RERE: variants seen among roughly 807,000 people sequenced by gnomAD.
RERE encodes arginine-glutamic acid dipeptide repeats protein.
In RERE, 40 loss-of-function variants were observed where a neutral mutation model predicts 146.1. The observed-to-expected ratio is 0.27, with a 90% CI of 0.21 to 0.36. The LOEUF (loss-of-function observed/expected upper bound fraction) is 0.36, where lower values mean the gene tolerates loss of function less well. Ranked by LOEUF, RERE falls within the 10% of genes least tolerant of loss-of-function variation. The pLI is 1.00. For synonymous variants in RERE, 1,003 were observed against 866.0 expected, an observed-to-expected ratio of 1.16 and a Z score of -2.78; for missense variants, 1,933 against 2,138.7, an observed-to-expected ratio of 0.90 and a Z score of 1.90.
At chr1:8,495,547 G>A (rs940822419) in intron 9 of RERE, among the ~76,000 whole-genome samples, 1 of 152,160 alleles carries the variant, frequency 6.6e-6, no homozygotes, top group African/African-American at 2.4e-5. Context: ...CCTGACCTCA[G>A]GTGATCTGCT....
intron 8 of RERE, among the ~76,000 whole-genome samples, chr1:8,508,376 A>G (rs569513120): frequency 1.3e-5 from 2 of 152,312 alleles, no homozygotes; most frequent in African/African-American, 2.4e-5. Flanking sequence ...AGATAGAAAG[A>G]GTTCTGGAGA....
At chr1:8,449,523 G>T (rs1364470630) in intron 11 of RERE, among the ~76,000 whole-genome samples, 4 of 152,136 alleles carry the variant, frequency 2.6e-5, no homozygotes, top group African/African-American at 9.7e-5. Context: ...AAACTTCAAA[G>T]AATCTTGTTA....
At chr1:8,724,538 C>T (rs1345904924) in intron 1 of RERE, among the ~76,000 whole-genome samples, 2 of 152,158 alleles carry the variant, frequency 1.3e-5, no homozygotes, top group Admixed American at 6.5e-5. Context: ...CTACATATTA[C>T]ACAGCTGCTT....
chr1:8,419,094 T>G (rs1278919266), intron 12 of RERE, among the ~76,000 whole-genome samples: 3 of 152,156 alleles, frequency 2.0e-5, no homozygotes, highest in Non-Finnish European at 2.9e-5. Flanking sequence ...AATTATATAC[T>G]TTATAAGCAT....
At chr1:8,601,122 C>T (rs1019814601) in intron 4 of RERE, among the ~76,000 whole-genome samples, 1 of 148,776 alleles carries the variant, frequency 6.7e-6, no homozygotes, top group African/African-American at 2.5e-5. Flanking sequence ...TGGGTTCAAG[C>T]AGTTCTCCTG....
intron 1 of RERE, among the ~76,000 whole-genome samples, chr1:8,701,291 C>T (rs1021097869): frequency 5.8e-5 from 4 of 69,030 alleles, no homozygotes; most frequent in African/African-American, 1.8e-4. Flanking sequence ...GGGGAATACA[C>T]ACACACACAC....
At chr1:8,407,596 T>C (rs1643485497) in intron 12 of RERE, among the ~76,000 whole-genome samples, 1 of 152,076 alleles carries the variant, frequency 6.6e-6, no homozygotes, top group Non-Finnish European at 1.5e-5. Context: ...CCCCATGACC[T>C]GGACAAGACC....
At chr1:8,607,882 C>T (rs1432255174) in intron 4 of RERE, among the ~76,000 whole-genome samples, 1 of 151,902 alleles carries the variant, frequency 6.6e-6, no homozygotes, top group African/African-American at 2.4e-5. Flanking sequence ...CCCGCCACCA[C>T]GCCTGGCTAA....
At chr1:8,789,301 A>AAAAAAAT in intron 1 of RERE, among the ~76,000 whole-genome samples, 9 of 24,814 alleles carry the variant, frequency 3.6e-4, no homozygotes, top group African/African-American at 2.1e-3. Context: ...AAAAAAAAAA[A>AAAAAAAT]ATATATATAT....
chr1:8,509,423 TC>T (rs1645301167), intron 7 of RERE, among the ~76,000 whole-genome samples: 1 of 83,402 alleles, frequency 1.2e-5, no homozygotes, highest in African/African-American at 3.1e-5. Context: ...CATCCATCCA[TC>T]CATCCATCCA....
chr1:8,647,005 C>T (rs1325927040), intron 2 of RERE, among the ~76,000 whole-genome samples: 5 of 152,162 alleles, frequency 3.3e-5, no homozygotes, highest in Admixed American at 3.3e-4. Flanking sequence ...ATAGTCCCTG[C>T]TACTCAGGAG....
chr1:8,422,921 G>T, intron 11 of RERE, 114 bp from the exon 12 acceptor site: 1 of 771,146 alleles, frequency 1.3e-6, no homozygotes, highest in Non-Finnish European at 2.2e-6. Context: ...TCTCGGCTAG[G>T]GAATACTGCC....
At position 8,806,597 on chromosome 1, in the gene RERE, C is replaced by T. The variant is rs761210000; in HGVS notation, c.-145+10563G>A. On this transcript the variant is annotated intron_variant, in intron 1 of 22. Transcript: ENST00000400908. Reference sequence around the variant, plus strand: ...TTAAGCCAAATCTCCCTTATCTCTACCTCAATAATACCATACGTTAATATT... The same window carrying T: ...TTAAGCCAAATCTCCCTTATCTCTATCTCAATAATACCATACGTTAATATT... Among the ~76,000 whole-genome samples the T allele has an allele frequency of 3.3e-5, 5 of 152,110 alleles. 1 individual carries two copies. Among genetic ancestry groups the T allele is most frequent in the African/African-American group, 7.2e-5 (3 of 41,416 alleles).
At chr1:8,678,522 C>T (rs912824631) in intron 1 of RERE, among the ~76,000 whole-genome samples, 1 of 150,750 alleles carries the variant, frequency 6.6e-6, no homozygotes, top group Non-Finnish European at 1.5e-5. Flanking sequence ...CATGGTGGCA[C>T]GCGCCTGTAG....
chr1:8,552,392 G>C (rs1268988943), intron 6 of RERE, among the ~76,000 whole-genome samples: 1 of 152,186 alleles, frequency 6.6e-6, no homozygotes, highest in African/African-American at 2.4e-5. Context: ...ATGGTGCTAA[G>C]CACTAACATG....
intron 1 of RERE, among the ~76,000 whole-genome samples, chr1:8,698,568 C>A (rs1639382667): frequency 6.6e-6 from 1 of 152,204 alleles, no homozygotes; most frequent in South Asian, 2.1e-4. Flanking sequence ...TACAAAAGCT[C>A]ATTCATCTTG....
rs547531924 is a variant in RERE, at chr1:8,495,656, T to C, written c.1005-494A>G. On this transcript the variant is annotated intron_variant, in intron 9 of 22. Coordinates refer to ENST00000400908, the MANE Select transcript of RERE (RefSeq NM_001042681.2). The stretch of plus-strand genomic sequence containing the variant: ...CTCTTCACTCACGCAGAAAGACATA[T>C]GTTACTTTTAGTCAGATCCATTTGT... 2.4e-3 allele frequency among the ~76,000 whole-genome samples: 364 copies of C among 152,306 alleles called. 2 individuals carry two copies. The highest frequency in any genetic ancestry group is 8.3e-3 in the African/African-American group (347 of 41,582).
intron 10 of RERE, among the ~76,000 whole-genome samples, chr1:8,466,407 C>T (rs1644597617): frequency 6.6e-6 from 1 of 152,080 alleles, no homozygotes; most frequent in Non-Finnish European, 1.5e-5. Flanking sequence ...GGTTTAGGAG[C>T]TATCATCGCC....
chr1:8,646,027 A>T (rs571776583), intron 2 of RERE, among the ~76,000 whole-genome samples: 1 of 152,220 alleles, frequency 6.6e-6, no homozygotes, highest in East Asian at 1.9e-4. Context: ...TTCCAAAGAC[A>T]TACAACTAAG....
Sources: allele counts gnomAD v4.1 joint callset (sites outside exome capture counted in the v4.1 genomes callset), GRCh38; gene constraint gnomAD v4.1.1; transcripts MANE v1.5; gene names NCBI Gene and HGNC (gene_info 2026-07-23, HGNC 2026-07-21).